The following CCBE1 variants were observed in gnomAD, a reference collection of about 807,000 sequenced individuals.
CCBE1 encodes collagen and calcium-binding EGF domain-containing protein 1.
In CCBE1, 37 loss-of-function variants were observed where a neutral mutation model predicts 50.0. The ratio of observed to expected loss-of-function variants is 0.74; its 90% confidence interval spans 0.57 to 0.97. The LOEUF is 0.97. Among genes scored for constraint, CCBE1 ranks in the 50% least tolerant of loss-of-function variants. CCBE1 has a pLI of 0.00. For synonymous variants in CCBE1, 234 were observed against 203.7 expected (o/e 1.15, Z -1.27); for missense variants, 538 against 523.8 (o/e 1.03, Z -0.26).
rs1385946566 is a variant in CCBE1 at position 59,658,347 on chromosome 18, AAAAAAAAATATATATATATATATATAT to A, written c.212+38255_212+38281del. ...AAAAAAAAAAAAAAAAAAAAAAAAA[AAAAAAAAATATATATATATATATATAT>A]ATATATATATATATATATATATATA... On this transcript the variant is annotated intron_variant, in intron 2 of 10. Transcript: ENST00000439986. 1.2e-3 allele frequency among the ~76,000 whole-genome samples: 40 copies of A among 34,078 alleles called. 3 individuals are homozygous for A. Among genetic ancestry groups the A allele is most frequent in the Non-Finnish European group, 1.8e-3 (36 of 20,524 alleles). 22.4% of individuals were successfully genotyped at this position (34,078 alleles called of 152,430 possible). A position where few individuals can be genotyped will look rare whatever the true frequency, so the allele number is the denominator to read the frequency against.
intron 2 of CCBE1, among the ~76,000 whole-genome samples, chr18:59,556,591 A>C (rs1386751773): frequency 6.6e-6 from 1 of 152,218 alleles, no homozygotes; most frequent in South Asian, 2.1e-4. Context: ...AAGGGCAGGC[A>C]ATGACCTGTG....
At chr18:59,555,687 G>C (rs1269342043) in intron 2 of CCBE1, among the ~76,000 whole-genome samples, 1 of 152,082 alleles carries the variant, frequency 6.6e-6, no homozygotes, top group Non-Finnish European at 1.5e-5. Flanking sequence ...GAGGGTCAAT[G>C]TTACAGTCAC....
intron 2 of CCBE1, among the ~76,000 whole-genome samples, chr18:59,629,171 C>T (rs1370484025): frequency 6.6e-6 from 1 of 152,178 alleles, no homozygotes; most frequent in East Asian, 1.9e-4. Flanking sequence ...CTCATCTACT[C>T]ATGATACTCA....
chr18:59,683,784 G>T (rs766351027), intron 2 of CCBE1, among the ~76,000 whole-genome samples: 17 of 152,060 alleles, frequency 1.1e-4, no homozygotes, highest in Non-Finnish European at 1.9e-4. Context: ...TGGAGATGCC[G>T]CCTGAGTAAA....
At chr18:59,554,044 C>G (rs1916023212) in intron 2 of CCBE1, among the ~76,000 whole-genome samples, 1 of 152,144 alleles carries the variant, frequency 6.6e-6, no homozygotes, top group Non-Finnish European at 1.5e-5. Flanking sequence ...ACTCTGTTGT[C>G]TAGGCTGGAG....
At chr18:59,492,409 C>T (rs1913154697) in intron 2 of CCBE1, among the ~76,000 whole-genome samples, 1 of 152,044 alleles carries the variant, frequency 6.6e-6, no homozygotes, top group African/African-American at 2.4e-5. Context: ...GGTAACATTT[C>T]CCAGCCTCTC....
chr18:59,619,633 G>T (rs537332510), intron 2 of CCBE1, among the ~76,000 whole-genome samples: 7 of 152,302 alleles, frequency 4.6e-5, no homozygotes, highest in Non-Finnish European at 7.4e-5. Context: ...AGCCAACAAA[G>T]ACTTAATTTT....
chr18:59,493,512 C>A (rs1484609145), intron 2 of CCBE1, among the ~76,000 whole-genome samples: 1 of 151,478 alleles, frequency 6.6e-6, no homozygotes, highest in Non-Finnish European at 1.5e-5. Flanking sequence ...CCAAGATAAG[C>A]ATTTTCCATA....
intron 5 of CCBE1, among the ~76,000 whole-genome samples, chr18:59,460,468 C>T (rs1911408027): frequency 6.6e-6 from 1 of 152,242 alleles, no homozygotes; most frequent in Non-Finnish European, 1.5e-5. Flanking sequence ...GATGAAAATG[C>T]TTATCAGCTT....
At chr18:59,638,483 C>T (rs1413182948) in intron 2 of CCBE1, among the ~76,000 whole-genome samples, 1 of 152,150 alleles carries the variant, frequency 6.6e-6, no homozygotes, top group Non-Finnish European at 1.5e-5. Context: ...CTGGCTTTAC[C>T]CTAGACCCAC....
intron 2 of CCBE1, among the ~76,000 whole-genome samples, chr18:59,658,287 G>C (rs541718389): frequency 9.7e-6 from 1 of 102,590 alleles, no homozygotes; most frequent in Non-Finnish European, 1.9e-5. Flanking sequence ...AGGAGTTTGA[G>C]ACCAGCCTGA....
At chr18:59,554,101 C>T (rs1264810283) in intron 2 of CCBE1, among the ~76,000 whole-genome samples, 1 of 152,198 alleles carries the variant, frequency 6.6e-6, no homozygotes, top group Non-Finnish European at 1.5e-5. Flanking sequence ...TTCCCGGGCT[C>T]AAGCCGTCCT....
intron 2 of CCBE1, among the ~76,000 whole-genome samples, chr18:59,484,182 A>G (rs977875352): frequency 6.6e-6 from 1 of 152,168 alleles, no homozygotes; most frequent in Admixed American, 6.5e-5. Context: ...ATTCACTAAA[A>G]TTTTACGGTT....
chr18:59,688,753 A>T (rs907645886), intron 2 of CCBE1, among the ~76,000 whole-genome samples: 1 of 152,232 alleles, frequency 6.6e-6, no homozygotes, highest in Admixed American at 6.5e-5. Context: ...AACAAAAACT[A>T]TGATTCCTGG....
intron 2 of CCBE1, among the ~76,000 whole-genome samples, chr18:59,693,026 C>T (rs893372633): frequency 9.9e-5 from 15 of 151,114 alleles, no homozygotes; most frequent in Non-Finnish European, 1.9e-4. Context: ...CAAAGCCAAA[C>T]CTATCTCATC....
intron 2 of CCBE1, among the ~76,000 whole-genome samples, chr18:59,569,393 A>G (rs991171697): frequency 6.6e-6 from 1 of 152,196 alleles, no homozygotes. Flanking sequence ...GATGCCATGA[A>G]CTATTCACTA....
intron 2 of CCBE1, among the ~76,000 whole-genome samples, chr18:59,587,727 A>C (rs1390697066): frequency 6.6e-6 from 1 of 152,250 alleles, no homozygotes; most frequent in Non-Finnish European, 1.5e-5. Context: ...AGAAAAAGAA[A>C]TATGAAAGAA....
intron 7 of CCBE1, among the ~76,000 whole-genome samples, chr18:59,447,200 T>C (rs544660113): frequency 9.9e-5 from 15 of 152,160 alleles, no homozygotes; most frequent in South Asian, 4.1e-4. Context: ...CACATATATA[T>C]ACACACATAC....
chr18:59,464,429 CTG>C (rs1455659123), intron 5 of CCBE1, among the ~76,000 whole-genome samples: 1 of 152,188 alleles, frequency 6.6e-6, no homozygotes, highest in Non-Finnish European at 1.5e-5. Flanking sequence ...GAGCAAGACT[CTG>C]TCTCAAAAAC....
Sources: allele counts gnomAD v4.1 joint callset (sites outside exome capture counted in the v4.1 genomes callset), GRCh38; gene constraint gnomAD v4.1.1; transcripts MANE v1.5; gene names NCBI Gene and HGNC (gene_info 2026-07-23, HGNC 2026-07-21).